GRID2: variants seen among roughly 807,000 people sequenced by gnomAD.
GRID2 encodes the protein glutamate ionotropic receptor delta type subunit 2, also known as glutamate receptor ionotropic, delta-2.
Under a neutral mutation model 114.8 loss-of-function variants are expected in GRID2, and 33 were observed. The observed-to-expected ratio is 0.29, with a 90% confidence interval of 0.22 to 0.38. The LOEUF is 0.38. Ranked by LOEUF, GRID2 falls within the 10% of genes least tolerant of loss-of-function variation. The pLI, the probability that GRID2 is intolerant of heterozygous loss-of-function variation, is 1.00. For missense variants in GRID2, 1,184 were observed against 1,257.7 expected (o/e 0.94, Z 0.89); for synonymous variants, 505 against 449.9 (o/e 1.12, Z -1.55).
At chr4:93,303,460 G>T (rs189142154) in intron 8 of GRID2, among the ~76,000 whole-genome samples, 1 of 152,220 alleles carries the variant, frequency 6.6e-6, no homozygotes, top group Admixed American at 6.5e-5. Flanking sequence ...GTCATTCTTG[G>T]GGTAGGATGG....
intron 2 of GRID2, among the ~76,000 whole-genome samples, chr4:93,054,337 T>G (rs60688266): frequency 0.14 from 10,934 of 76,738 alleles, 1,330 homozygotes; most frequent in African/African-American, 0.36. Context: ...TGGTAGTATT[T>G]TTATATTATT....
chr4:92,959,402 T>G (rs2149150126), intron 2 of GRID2, among the ~76,000 whole-genome samples: 1 of 151,762 alleles, frequency 6.6e-6, no homozygotes, highest in African/African-American at 2.4e-5. Flanking sequence ...TTTATGTAGT[T>G]CAATTTTTTT....
intron 2 of GRID2, among the ~76,000 whole-genome samples, chr4:92,636,602 T>C (rs1005213145): frequency 3.9e-5 from 6 of 152,030 alleles, no homozygotes; most frequent in African/African-American, 1.4e-4. Flanking sequence ...CTGTAAATTA[T>C]TCAGTTGTAC....
chr4:93,420,798 G>A (rs1469918643), intron 9 of GRID2, among the ~76,000 whole-genome samples: 1 of 151,238 alleles, frequency 6.6e-6, no homozygotes, highest in Non-Finnish European at 1.5e-5. Context: ...CTGTTGCCCA[G>A]GCTGGAGTGC....
In GRID2 at chr4:93,483,762, G is replaced by A. The variant is rs180986405; in HGVS notation, c.1859-6877G>A. On this transcript the variant is annotated intron_variant, in intron 11 of 15. Transcript: ENST00000282020. Reference sequence around the variant, plus strand: ...GGTCAAGAGGATTTTCCTTAAAACAGAGGGGTCCTTTGGAAAATAAAAATT... The same window carrying A: ...GGTCAAGAGGATTTTCCTTAAAACAAAGGGGTCCTTTGGAAAATAAAAATT... Among the ~76,000 whole-genome samples, 145 of 151,966 alleles carry A rather than the reference G, an allele frequency of 9.5e-4. 1 individual carries two copies. In the East Asian group the frequency reaches 0.022, roughly 23 times the overall value.
chr4:93,733,151 A>C (rs983100930), intron 14 of GRID2, among the ~76,000 whole-genome samples: 3 of 152,138 alleles, frequency 2.0e-5, no homozygotes, highest in African/African-American at 7.2e-5. Context: ...TGCTTATTTT[A>C]GGTTTCATAT....
chr4:92,562,894 A>G (rs17254343), intron 1 of GRID2, among the ~76,000 whole-genome samples: 7,572 of 152,290 alleles, frequency 0.05, 253 homozygotes, highest in Middle Eastern at 0.13. Flanking sequence ...TCTCATATAC[A>G]TAGTTCCCTT....
intron 8 of GRID2, among the ~76,000 whole-genome samples, chr4:93,261,662 G>A (rs2149550305): frequency 6.6e-6 from 1 of 151,846 alleles, no homozygotes; most frequent in South Asian, 2.1e-4. Context: ...ATAAAGAGAG[G>A]AGTATATATT....
intron 1 of GRID2, among the ~76,000 whole-genome samples, chr4:92,376,154 C>CA (rs1174796528): frequency 6.6e-6 from 1 of 151,534 alleles, no homozygotes; most frequent in Non-Finnish European, 1.5e-5. Flanking sequence ...CTAAAAAATA[C>CA]AAAAAATTAG....
At chr4:92,816,362 A>G (rs1740918003) in intron 2 of GRID2, among the ~76,000 whole-genome samples, 1 of 150,954 alleles carries the variant, frequency 6.6e-6, no homozygotes, top group African/African-American at 2.4e-5. Context: ...CTAAAGATGT[A>G]CCTTAACCCA....
chr4:93,355,785 GA>G (rs1207391537), intron 8 of GRID2, among the ~76,000 whole-genome samples: 2 of 152,018 alleles, frequency 1.3e-5, no homozygotes, highest in Admixed American at 6.6e-5. Flanking sequence ...TATTTGCCCT[GA>G]AAGTGACACA....
chr4:92,666,339 T>C (rs1350031203), intron 2 of GRID2, among the ~76,000 whole-genome samples: 2 of 151,600 alleles, frequency 1.3e-5, no homozygotes, highest in East Asian at 3.9e-4. Context: ...CCTTCAGTTC[T>C]TTGAGCATCT....
intron 2 of GRID2, among the ~76,000 whole-genome samples, chr4:93,050,509 GGT>G (rs70942946): frequency 0.21 from 29,505 of 143,750 alleles, 3,167 homozygotes; most frequent in African/African-American, 0.29. Context: ...AATAATACCT[GGT>G]GTGTGTGTGT....
At chr4:93,530,600 T>C (rs923602628) in intron 13 of GRID2, among the ~76,000 whole-genome samples, 1 of 152,156 alleles carries the variant, frequency 6.6e-6, no homozygotes, top group African/African-American at 2.4e-5. Flanking sequence ...TCCTAAAATA[T>C]TTTCTTCCTC....
At chr4:92,349,332 G>A (rs572056308) in intron 1 of GRID2, among the ~76,000 whole-genome samples, 45 of 151,948 alleles carry the variant, frequency 3.0e-4, no homozygotes, top group East Asian at 1.5e-3. Context: ...TGACTTGTCC[G>A]TTTTTAATGA....
intron 8 of GRID2, among the ~76,000 whole-genome samples, chr4:93,393,384 C>T (rs2149326782): frequency 6.6e-6 from 1 of 151,824 alleles, no homozygotes; most frequent in South Asian, 2.1e-4. Context: ...GGTGAAAAGT[C>T]TTTGTCAAGC....
At chr4:93,027,632 A>C (rs1724005039) in intron 2 of GRID2, among the ~76,000 whole-genome samples, 1 of 152,164 alleles carries the variant, frequency 6.6e-6, no homozygotes, top group Non-Finnish European at 1.5e-5. Flanking sequence ...AATAAGTGTT[A>C]AAATGTGCAC....
At chr4:93,349,407 T>A (rs2149258425) in intron 8 of GRID2, among the ~76,000 whole-genome samples, 1 of 152,238 alleles carries the variant, frequency 6.6e-6, no homozygotes, top group South Asian at 2.1e-4. Flanking sequence ...ATGAAATGAT[T>A]AATAATTTGG....
At chr4:93,391,336 A>G (rs940325742) in intron 8 of GRID2, among the ~76,000 whole-genome samples, 1 of 152,202 alleles carries the variant, frequency 6.6e-6, no homozygotes, top group Non-Finnish European at 1.5e-5. Context: ...AATATCTACC[A>G]AATAAATGCT....
Sources: gnomAD v4.1 joint callset for allele counts (sites outside exome capture counted in the v4.1 genomes callset) on GRCh38, gnomAD v4.1.1 for gene constraint, MANE v1.5 for transcripts, NCBI Gene and HGNC (gene_info 2026-07-23, HGNC 2026-07-21) for gene names.